ADRA1A: variants seen among roughly 807,000 people sequenced by gnomAD.
The protein encoded by ADRA1A is alpha-1A adrenergic receptor.
Under a neutral mutation model 29.6 loss-of-function variants are expected in ADRA1A, and 31 were observed. The observed-to-expected ratio is 1.05, with a 90% CI of 0.79 to 1.41. The LOEUF is 1.41. Among genes scored for constraint, ADRA1A ranks in the 40% most tolerant of loss-of-function variants. ADRA1A has a pLI of 0.00. For synonymous variants in ADRA1A, 311 were observed against 254.3 expected (o/e 1.22, Z -2.12); for missense variants, 619 against 601.1 (o/e 1.03, Z -0.31).
chr8:26,773,069 TG>T (rs1201948548), intron 2 of ADRA1A, among the ~76,000 whole-genome samples: 5 of 152,248 alleles, frequency 3.3e-5, no homozygotes, highest in African/African-American at 4.8e-5. Context: ...AAGAGTTATG[TG>T]ACTCTTCCCT....
chr8:26,854,140 C>T (rs1334842092), intron 2 of ADRA1A: 5 of 152,200 alleles, frequency 3.3e-5, no homozygotes, highest in African/African-American at 1.2e-4. Context: ...CCCTGTCTTC[C>T]CTGAGGGACT....
intron 2 of ADRA1A, among the ~76,000 whole-genome samples, chr8:26,793,212 T>A (rs1563257277): frequency 6.6e-6 from 1 of 151,978 alleles, no homozygotes; most frequent in Admixed American, 6.6e-5. Flanking sequence ...GGTATATGTA[T>A]GTATATTTTT....
chr8:26,795,223 C>T (rs1347778633), intron 2 of ADRA1A, among the ~76,000 whole-genome samples: 3 of 151,926 alleles, frequency 2.0e-5, no homozygotes, highest in African/African-American at 7.3e-5. Flanking sequence ...ACTGCAGTAT[C>T]GTGTCAAAAG....
chr8:26,786,578 C>T (rs1246593957), intron 2 of ADRA1A, among the ~76,000 whole-genome samples: 1 of 151,988 alleles, frequency 6.6e-6, no homozygotes, highest in African/African-American at 2.4e-5. Flanking sequence ...TGGAATACTT[C>T]TCTGCACCAG....
Position 26,864,586 on chromosome 8 carries a change from CACGCCGATGTAGCG to C in ADRA1A, c.370_383del (p.Arg124GlufsTer172), listed in dbSNP as rs1813748121. The C allele has an allele frequency of 1.9e-6, 3 of 1,614,018 alleles. No individual in the cohort carries two copies. The highest frequency in any genetic ancestry group is 1.7e-6 in the Non-Finnish European group (2 of 1,180,054). ...TGGTTGGGTAGCGCAGCGGGTAGCT[CACGCCGATGTAGCG>C]GTCGATGGAGATGATGCAGAGGCCC... On this transcript the variant is annotated frameshift_variant, in exon 2 of 3. Coordinates refer to ENST00000380573, the MANE Select transcript of ADRA1A (RefSeq NM_000680.4). LOFTEE classifies it high-confidence loss of function. The surrounding 1 kb of genome is among the most constrained non-coding windows in gnomAD (Gnocchi z 8.1).
chr8:26,851,468 A>G (rs1215307943), intron 2 of ADRA1A, among the ~76,000 whole-genome samples: 2 of 152,210 alleles, frequency 1.3e-5, no homozygotes, highest in Non-Finnish European at 2.9e-5. Flanking sequence ...GACAAAAATC[A>G]CACCAAATAA....
At chr8:26,790,951 A>G (rs1332616202) in intron 2 of ADRA1A, among the ~76,000 whole-genome samples, 1 of 152,174 alleles carries the variant, frequency 6.6e-6, no homozygotes, top group Non-Finnish European at 1.5e-5. Flanking sequence ...GGTATCCACA[A>G]TTGGTATGCC....
chr8:26,814,192 GA>G (rs11354835), intron 2 of ADRA1A, among the ~76,000 whole-genome samples: 45,749 of 147,146 alleles, frequency 0.31, 7,485 homozygotes, highest in East Asian at 0.65. Context: ...CTCCTATGGT[GA>G]AAAAAAAAAA....
chr8:26,756,419 G>C, exon 3 of ADRA1A: 1 of 1,359,648 alleles, frequency 7.4e-7, no homozygotes, highest in Non-Finnish European at 9.6e-7. Flanking sequence ...CGTGGCTGAT[G>C]ATTCTCAATT....
intron 2 of ADRA1A, among the ~76,000 whole-genome samples, chr8:26,810,115 G>A (rs1219887096): frequency 6.6e-6 from 1 of 152,136 alleles, no homozygotes; most frequent in Non-Finnish European, 1.5e-5. Flanking sequence ...TGTTAACCAT[G>A]AATGCTTTAA....
chr8:26,864,977 GC>G lies in ADRA1A; in HGVS notation c.-9del. ...TCCCGAGAGAAACACCATGGTCCCAGCCGGGGCCGGGCGAGGTCCGGCTGTC... is the reference window on the plus strand; with the variant it reads ...TCCCGAGAGAAACACCATGGTCCCAGCGGGGCCGGGCGAGGTCCGGCTGTC... On this transcript the variant is annotated 5_prime_UTR_variant, in exon 2 of 3. Coordinates refer to ENST00000380573, the MANE Select transcript of ADRA1A (RefSeq NM_000680.4). This position sits in a 1 kb window ranked among gnomAD's most constrained non-coding sequence, Gnocchi z 8.1. 6.3e-7 allele frequency: 1 copy of G among 1,586,128 alleles called. No individual in the cohort carries two copies. The highest frequency in any genetic ancestry group is 8.6e-7 in the Non-Finnish European group (1 of 1,169,298).
intron 2 of ADRA1A, among the ~76,000 whole-genome samples, chr8:26,790,684 A>C (rs926052237): frequency 6.6e-6 from 1 of 152,204 alleles, no homozygotes; most frequent in Non-Finnish European, 1.5e-5. Context: ...ACCACTATAC[A>C]TTATATATAT....
rs1031707909 is a variant in ADRA1A, at chr8:26,848,139, G to T, written c.883+15948C>A. ...CTGTTACAGGGAAGGCAGCCAGGCA[G>T]CTCCTGCAAGATGTCACTAATCCCT... On this transcript the variant is annotated intron_variant, in intron 2 of 2. Coordinates refer to ENST00000380573, the MANE Select transcript of ADRA1A (RefSeq NM_000680.4). This position sits in a 1 kb window ranked among gnomAD's most constrained non-coding sequence, Gnocchi z 4.3. 1.3e-5 allele frequency among the ~76,000 whole-genome samples: 2 copies of T among 152,214 alleles called. No individual in the cohort carries two copies. Among genetic ancestry groups the T allele is most frequent in the African/African-American group, 4.8e-5 (2 of 41,458 alleles).
intron 2 of ADRA1A, among the ~76,000 whole-genome samples, chr8:26,855,238 T>TGTGC (rs1411653724): frequency 6.6e-6 from 1 of 152,108 alleles, no homozygotes; most frequent in African/African-American, 2.4e-5. Flanking sequence ...TGTGTGCATG[T>TGTGC]GAGTGCATGC....
rs3730287 is a variant in ADRA1A, at chr8:26,864,231, C to T, written c.739G>A (p.Gly247Arg). The change falls in exon 2 of 3, where the codon GGG becomes AGG. Residue 247 changes from glycine (G) to arginine (R), a missense_variant. Transcript: ENST00000380573. The surrounding 1 kb of genome is among the most constrained non-coding windows in gnomAD (Gnocchi z 8.1). ...GTCTTGGTCTTGGCGCTGGCCATCCCGCTGCCTCCTGCCGGGGCGTTTTTC... is the reference window on the plus strand; with the variant it reads ...GTCTTGGTCTTGGCGCTGGCCATCCTGCTGCCTCCTGCCGGGGCGTTTTTC... The part of the protein sequence containing the change: ...HRKNAPAGGS[G>R]MASAKTKTHF... The T allele has an allele frequency of 1.9e-3, 3,109 of 1,614,198 alleles. 64 individuals are homozygous for T. The Admixed American group carries it at 0.035, about 18-fold the overall frequency.
At chr8:26,827,292 G>A (rs1293102512) in intron 2 of ADRA1A, among the ~76,000 whole-genome samples, 1 of 152,182 alleles carries the variant, frequency 6.6e-6, no homozygotes, top group Non-Finnish European at 1.5e-5. Flanking sequence ...GGGAAATGTT[G>A]AGGTTGAATG....
chr8:26,830,315 A>G (rs907017488), intron 2 of ADRA1A, among the ~76,000 whole-genome samples: 1 of 152,234 alleles, frequency 6.6e-6, no homozygotes, highest in Non-Finnish European at 1.5e-5. Flanking sequence ...CTTATTTCCA[A>G]GAAAGGGGAG....
intron 2 of ADRA1A, among the ~76,000 whole-genome samples, chr8:26,828,787 T>C (rs1810771902): frequency 1.3e-5 from 2 of 152,122 alleles, no homozygotes. Flanking sequence ...TCAATTGACC[T>C]GAACACTGAA....
At chr8:26,855,383 T>A (rs1203415169) in intron 2 of ADRA1A, among the ~76,000 whole-genome samples, 1 of 150,948 alleles carries the variant, frequency 6.6e-6, no homozygotes, top group African/African-American at 2.5e-5. Flanking sequence ...AGTAATTATT[T>A]ATCTTCAATG....
Sources: allele counts gnomAD v4.1 joint callset (sites outside exome capture counted in the v4.1 genomes callset), GRCh38; gene constraint gnomAD v4.1.1; non-coding constraint Gnocchi (gnomAD v3.1); transcripts MANE v1.5; gene names NCBI Gene and HGNC (gene_info 2026-07-23, HGNC 2026-07-21).